UGT1A10: variants seen among roughly 807,000 people sequenced by gnomAD.
UGT1A10 encodes the protein UDP-glucuronosyltransferase 1A10.
Under a neutral mutation model 45.8 loss-of-function variants are expected in UGT1A10, and 49 were observed. The observed-to-expected ratio is 1.07, with a 90% CI of 0.85 to 1.36. UGT1A10 has a LOEUF of 1.36. Among genes scored for constraint, UGT1A10 ranks in the 40% most tolerant of loss-of-function variants. The pLI, the probability that UGT1A10 is intolerant of heterozygous loss-of-function variation, is 0.00. For missense variants in UGT1A10, 745 were observed against 668.6 expected, an observed-to-expected ratio of 1.11 and a Z score of -1.26; for synonymous variants, 284 against 249.7, an observed-to-expected ratio of 1.14 and a Z score of -1.29.
chr2:233,760,243 T>TAC (rs1697369137), intron 1 of UGT1A10: 1 of 1,608,014 alleles, frequency 6.2e-7, no homozygotes, highest in African/African-American at 1.3e-5. Flanking sequence ...CATATATATA[T>TAC]ATATAAGTAG....
At chr2:233,737,500 C>T (rs2078887926) in intron 1 of UGT1A10, among the ~76,000 whole-genome samples, 1 of 152,232 alleles carries the variant, frequency 6.6e-6, no homozygotes, top group South Asian at 2.1e-4. Flanking sequence ...ATCCCTCACC[C>T]TCTTGCACTT....
At chr2:233,728,672 A>G (rs543695455) in intron 1 of UGT1A10, among the ~76,000 whole-genome samples, 4 of 152,342 alleles carry the variant, frequency 2.6e-5, no homozygotes, top group Middle Eastern at 3.4e-3. Context: ...TTACTCATAC[A>G]TGAGAAGAAA....
intron 1 of UGT1A10, among the ~76,000 whole-genome samples, chr2:233,687,041 C>T (rs377057958): frequency 2.0e-4 from 30 of 152,200 alleles, no homozygotes; most frequent in Admixed American, 5.2e-4. Context: ...AGTGTTTGAG[C>T]ACGCGGACCC....
chr2:233,717,831 A>C (rs1289598238), intron 1 of UGT1A10: 1 of 455,268 alleles, frequency 2.2e-6, no homozygotes, highest in Non-Finnish European at 4.4e-6. Flanking sequence ...TCTGTTCTGG[A>C]GGAACCATTC....
rs961413232 is a variant in UGT1A10 at position 233,745,610 on chromosome 2, A to G, written c.856-21424A>G. Among the ~76,000 whole-genome samples the G allele has an allele frequency of 4.0e-4, 61 of 151,736 alleles. 2 individuals carry two copies. Among genetic ancestry groups the G allele is most frequent in the African/African-American group, 1.3e-3 (55 of 41,108 alleles). ...GACCCGGACTTGGCACTTGGTAAGCACACAATGAACAGTCATAGAAAGCTG... is the reference window on the plus strand; with the variant it reads ...GACCCGGACTTGGCACTTGGTAAGCGCACAATGAACAGTCATAGAAAGCTG... On this transcript the variant is annotated intron_variant, in intron 1 of 4. Coordinates refer to ENST00000344644, the MANE Select transcript of UGT1A10 (RefSeq NM_019075.4).
intron 1 of UGT1A10, among the ~76,000 whole-genome samples, chr2:233,657,302 A>G (rs1042973913): frequency 2.6e-5 from 4 of 152,152 alleles, no homozygotes; most frequent in African/African-American, 9.7e-5. Context: ...TGGGTAATGT[A>G]TAAGGAAGAG....
intron 1 of UGT1A10, among the ~76,000 whole-genome samples, chr2:233,727,559 C>G (rs1406536864): frequency 6.6e-6 from 1 of 152,176 alleles, no homozygotes; most frequent in Non-Finnish European, 1.5e-5. Flanking sequence ...CTGGGCTCAT[C>G]ATGAGGGTGC....
intron 1 of UGT1A10, among the ~76,000 whole-genome samples, chr2:233,688,837 T>C (rs11680450): frequency 0.39 from 59,706 of 151,878 alleles, 11,922 homozygotes; most frequent in South Asian, 0.45. Context: ...AAGAAAAGGA[T>C]GTAAAGAGAG....
intron 1 of UGT1A10, among the ~76,000 whole-genome samples, chr2:233,705,638 G>A (rs2075862105): frequency 6.6e-6 from 1 of 152,200 alleles, no homozygotes; most frequent in African/African-American, 2.4e-5. Flanking sequence ...GTTCTAGGAA[G>A]TTGAAGGTCT....
Position 233,637,349 on chromosome 2 carries a change from A to G in UGT1A10, c.827A>G (p.Asn276Ser), listed in dbSNP as rs770963721. 25 of 1,613,688 alleles carry G rather than the reference A, an allele frequency of 1.5e-5. No individual in the cohort carries two copies. The South Asian group carries it at 2.2e-4, about 14-fold the overall frequency. The change falls in exon 1 of 5, where the codon AAC (asparagine) becomes AGC (serine). Residue 276 changes from asparagine to serine, a missense_variant. Asn to Ser is a conservative substitution (Grantham distance 46). Transcript: ENST00000344644. ...MPNMIFIGGINCHQGKPLPME... is the reference protein window; with the variant it reads ...MPNMIFIGGISCHQGKPLPME... ...AACATGATCTTCATTGGTGGTATCA[A>G]CTGTCATCAGGGAAAGCCATTGCCT...
intron 1 of UGT1A10, among the ~76,000 whole-genome samples, chr2:233,638,092 C>G (rs2073349863): frequency 6.6e-6 from 1 of 152,062 alleles, no homozygotes; most frequent in South Asian, 2.1e-4. Context: ...GACTAGAGTC[C>G]TACACGTAGG....
intron 1 of UGT1A10, among the ~76,000 whole-genome samples, chr2:233,730,798 G>C (rs772379862): frequency 4.6e-5 from 7 of 152,122 alleles, no homozygotes; most frequent in Non-Finnish European, 7.3e-5. Flanking sequence ...AGTGATGAAT[G>C]GACATGCGTC....
At chr2:233,648,050 G>A (rs1471449745) in intron 1 of UGT1A10, 2 of 1,584,050 alleles carry the variant, frequency 1.3e-6, no homozygotes, top group Non-Finnish European at 1.7e-6. Context: ...TCACTGAATT[G>A]CACAGTGAAG....
At chr2:233,676,507 C>A (rs2074363627) in intron 1 of UGT1A10, among the ~76,000 whole-genome samples, 2 of 152,142 alleles carry the variant, frequency 1.3e-5, no homozygotes, top group Non-Finnish European at 2.9e-5. Context: ...AAGCTAAAGT[C>A]TGTTTCCTTC....
Position 233,756,181 on chromosome 2 carries a change from G to A in UGT1A10, c.856-10853G>A, listed in dbSNP as rs998894236. 3.9e-5 allele frequency: 6 copies of A among 152,158 alleles called. No homozygotes were observed. In the South Asian group the frequency reaches 6.2e-4, roughly 16 times the overall value. The allele number at this position is 152,158 out of a possible 1,614,324, so 9.4% of individuals were successfully genotyped here. ...TTTCCTGGCTCATACTTTGAGAATC[G>A]CTAGTCTAGCAGAGTAGTCCCTGGT... is the stretch of plus-strand genomic sequence containing the variant. On this transcript the variant is annotated intron_variant, in intron 1 of 4. Coordinates refer to ENST00000344644, the MANE Select transcript of UGT1A10 (RefSeq NM_019075.4).
At chr2:233,738,284 C>T (rs1690749854) in intron 1 of UGT1A10, among the ~76,000 whole-genome samples, 1 of 152,160 alleles carries the variant, frequency 6.6e-6, no homozygotes, top group Non-Finnish European at 1.5e-5. Context: ...TTATAAATTA[C>T]CCAGTCTTGG....
At chr2:233,747,819 G>T (rs1219645107) in intron 1 of UGT1A10, 12 of 1,613,452 alleles carry the variant, frequency 7.4e-6, no homozygotes, top group Non-Finnish European at 1.0e-5. Context: ...GACCAATTCA[G>T]ACCACATGAC....
chr2:233,733,810 C>G (rs1191678424), intron 1 of UGT1A10, among the ~76,000 whole-genome samples: 1 of 152,078 alleles, frequency 6.6e-6, no homozygotes, highest in Non-Finnish European at 1.5e-5. Flanking sequence ...CAGGATGATG[C>G]TGGCCTCATA....
chr2:233,752,549 C>G (rs1323378417), intron 1 of UGT1A10: 4 of 152,146 alleles, frequency 2.6e-5, no homozygotes, highest in Admixed American at 2.0e-4. Context: ...AATGCTCTTG[C>G]TGGGACAACA....
Sources: gnomAD v4.1 joint callset for allele counts (sites outside exome capture counted in the v4.1 genomes callset) on GRCh38, gnomAD v4.1.1 for gene constraint, MANE v1.5 for transcripts, NCBI Gene and HGNC (gene_info 2026-07-23, HGNC 2026-07-21) for gene names.